FAM13C: variants seen among roughly 807,000 people sequenced by gnomAD.
FAM13C encodes protein FAM13C.
A neutral mutation model predicts 73.2 loss-of-function variants in FAM13C; 37 were observed. The ratio of observed to expected loss-of-function variants is 0.51; its 90% CI spans 0.39 to 0.67. FAM13C has a LOEUF of 0.67. FAM13C is among the 30% of genes least tolerant of loss of function. The pLI is 0.00. For synonymous variants in FAM13C, 246 were observed against 260.9 expected, an observed-to-expected ratio of 0.94 and a Z score of 0.55; for missense variants, 589 against 715.6, an observed-to-expected ratio of 0.82 and a Z score of 2.02.
chr10:59,318,429 T>C (rs1254398278), intron 4 of FAM13C, among the ~76,000 whole-genome samples: 2 of 152,160 alleles, frequency 1.3e-5, no homozygotes, highest in Non-Finnish European at 2.9e-5. Flanking sequence ...CTCGTATTCT[T>C]TAGCTATAGC....
chr10:59,263,959 C>G (rs1281534369), intron 9 of FAM13C, 126 bp downstream of exon 9: 2 of 838,442 alleles, frequency 2.4e-6, no homozygotes, highest in Non-Finnish European at 4.1e-6. Flanking sequence ...AAGGGAGTTA[C>G]AGTCTAAGCA....
chr10:59,350,728 T>C (rs1415830054), intron 3 of FAM13C, among the ~76,000 whole-genome samples: 1 of 152,054 alleles, frequency 6.6e-6, no homozygotes, highest in Non-Finnish European at 1.5e-5. Context: ...AAGATAAAAA[T>C]CACAAAGCAA....
intron 4 of FAM13C, among the ~76,000 whole-genome samples, chr10:59,321,664 A>G (rs284643): frequency 0.38 from 57,922 of 151,708 alleles, 11,189 homozygotes; most frequent in East Asian, 0.48. Context: ...AAAGAGCCCA[A>G]TATACAACAT....
At chr10:59,329,342 G>GTTTTT (rs71006247) in intron 3 of FAM13C, among the ~76,000 whole-genome samples, 10 of 77,298 alleles carry the variant, frequency 1.3e-4, no homozygotes, top group East Asian at 7.7e-4. Context: ...TTTCTTTCTG[G>GTTTTT]TTTTTTTTTT....
At chr10:59,253,377 T>A (rs2133379151) in intron 11 of FAM13C, among the ~76,000 whole-genome samples, 1 of 152,278 alleles carries the variant, frequency 6.6e-6, no homozygotes, top group Non-Finnish European at 1.5e-5. Context: ...TAAGATAAGG[T>A]GGACTACGGA....
intron 5 of FAM13C, among the ~76,000 whole-genome samples, chr10:59,291,357 T>C (rs1846199581): frequency 6.6e-6 from 1 of 152,152 alleles, no homozygotes; most frequent in Admixed American, 6.5e-5. Flanking sequence ...AGTAAAGACA[T>C]TGGACTTTTG....
At chr10:59,315,623 A>G (rs1849443740) in intron 4 of FAM13C, among the ~76,000 whole-genome samples, 1 of 152,160 alleles carries the variant, frequency 6.6e-6, no homozygotes, top group Non-Finnish European at 1.5e-5. Context: ...ACAACAAAGA[A>G]TTTTTCCATC....
chr10:59,361,861 C>G (rs776439673), intron 1 of FAM13C, among the ~76,000 whole-genome samples: 9 of 152,024 alleles, frequency 5.9e-5, no homozygotes, highest in Admixed American at 5.9e-4. Flanking sequence ...GTGACTCATT[C>G]GTCCCATAGT....
At chr10:59,336,456 C>T (rs753450267) in intron 3 of FAM13C, among the ~76,000 whole-genome samples, 3 of 152,150 alleles carry the variant, frequency 2.0e-5, no homozygotes, top group East Asian at 1.9e-4. Flanking sequence ...CCACTGCTCA[C>T]GGCTCAGATC....
chr10:59,361,743 C>A (rs894169574), intron 1 of FAM13C, among the ~76,000 whole-genome samples: 1 of 152,032 alleles, frequency 6.6e-6, no homozygotes, highest in African/African-American at 2.4e-5. Context: ...ATATAAATAT[C>A]TTTAAAAAAA....
intron 3 of FAM13C, among the ~76,000 whole-genome samples, chr10:59,346,312 T>C (rs1854286484): frequency 6.6e-6 from 1 of 152,216 alleles, no homozygotes; most frequent in African/African-American, 2.4e-5. Context: ...AAATATTTTA[T>C]AGTTAGGTTA....
At chr10:59,321,431 CCT>C (rs571167758) in intron 4 of FAM13C, among the ~76,000 whole-genome samples, 16,866 of 109,548 alleles carry the variant, frequency 0.15, 2,137 homozygotes, top group Admixed American at 0.18. Flanking sequence ...CCTGCCAACA[CCT>C]TTTTTTTTTT....
At chr10:59,272,426 G>C (rs1843815042) in intron 6 of FAM13C, among the ~76,000 whole-genome samples, 1 of 152,202 alleles carries the variant, frequency 6.6e-6, no homozygotes, top group African/African-American at 2.4e-5. Context: ...TGAGCTCTTT[G>C]CTCAGAAGAG....
chr10:59,357,437 G>GT (rs1855862656), intron 1 of FAM13C, among the ~76,000 whole-genome samples: 2 of 152,142 alleles, frequency 1.3e-5, no homozygotes, highest in South Asian at 4.1e-4. Context: ...CAGTGCCAGA[G>GT]TACCCCAGAG....
intron 3 of FAM13C, among the ~76,000 whole-genome samples, chr10:59,332,065 C>G (rs1220821639): frequency 6.6e-6 from 1 of 151,984 alleles, no homozygotes; most frequent in Non-Finnish European, 1.5e-5. Context: ...TGAGGTAACA[C>G]AATTCAGAGT....
At chr10:59,356,673 G>A (rs1209606157) in intron 1 of FAM13C, among the ~76,000 whole-genome samples, 1 of 152,086 alleles carries the variant, frequency 6.6e-6, no homozygotes, top group African/African-American at 2.4e-5. Context: ...AGCCAAGGTC[G>A]CCCATGTGCC....
chr10:59,249,155 A>G (rs1388571700), intron 13 of FAM13C, among the ~76,000 whole-genome samples: 1 of 152,232 alleles, frequency 6.6e-6, no homozygotes, highest in African/African-American at 2.4e-5. Flanking sequence ...CTGTAATCCC[A>G]GCACTTTGAG....
intron 3 of FAM13C, among the ~76,000 whole-genome samples, chr10:59,350,729 C>T (rs1854925941): frequency 6.6e-6 from 1 of 152,106 alleles, no homozygotes; most frequent in African/African-American, 2.4e-5. Flanking sequence ...AGATAAAAAT[C>T]ACAAAGCAAA....
chr10:59,336,972 A>G (rs1852802707), intron 3 of FAM13C, among the ~76,000 whole-genome samples: 1 of 152,146 alleles, frequency 6.6e-6, no homozygotes, highest in African/African-American at 2.4e-5. Context: ...GAGTTCCACT[A>G]TCACTCATGT....
Sources: allele counts gnomAD v4.1 joint callset (sites outside exome capture counted in the v4.1 genomes callset), GRCh38; gene constraint gnomAD v4.1.1; transcripts MANE v1.5; gene names NCBI Gene and HGNC (gene_info 2026-07-23, HGNC 2026-07-21).